SH3TC1: variants seen among roughly 807,000 people sequenced by gnomAD.
The protein encoded by SH3TC1 is SH3 domain and tetratricopeptide repeats 1.
SH3TC1 carries 135 observed loss-of-function variants against 117.3 expected under a neutral mutation model. The ratio of observed to expected loss-of-function variants is 1.15; its 90% CI spans 1.00 to 1.33. SH3TC1 has a LOEUF of 1.33. Ranked by LOEUF, SH3TC1 falls within the 40% of genes most tolerant of loss-of-function variation. SH3TC1 has a pLI of 0.00. For synonymous variants in SH3TC1, 898 were observed against 816.9 expected (o/e 1.10, Z -1.69); for missense variants, 2,092 against 1,794.3 (o/e 1.17, Z -3.00).
At chr4:8,226,559 G>A (rs1720474099) in intron 11 of SH3TC1, among the ~76,000 whole-genome samples, 2 of 152,238 alleles carry the variant, frequency 1.3e-5, no homozygotes, top group Non-Finnish European at 2.9e-5. Flanking sequence ...GAGGGGCCCA[G>A]TATGCTGACA....
chr4:8,186,601 A>G lies in SH3TC1; in HGVS notation c.-57+4391A>G, dbSNP rs962487308. Among the ~76,000 whole-genome samples the G allele has an allele frequency of 1.3e-5, 2 of 152,186 alleles. No individual in the cohort carries two copies. Among genetic ancestry groups the G allele is most frequent in the Non-Finnish European group, 2.9e-5 (2 of 68,036 alleles). On this transcript the variant is annotated intron_variant, in intron 1 of 16. Transcript: ENST00000508641. The surrounding 1 kb of genome is among the most constrained non-coding windows in gnomAD (Gnocchi z 5.2). Reference sequence around the variant, plus strand: ...ATGCCCTGCACTGGCTTCCCAACTTATCTATCTAAAACTTTAAAATAAAGT... The same window carrying G: ...ATGCCCTGCACTGGCTTCCCAACTTGTCTATCTAAAACTTTAAAATAAAGT...
intron 17 of SH3TC1, among the ~76,000 whole-genome samples, chr4:8,239,513 CACATGCACACAGGCACACACACAG>C (rs1296455735): frequency 3.3e-5 from 5 of 150,978 alleles, no homozygotes; most frequent in Non-Finnish European, 5.9e-5. Context: ...TGCACCCAGG[CACATGCACACAGGCACACACACAG>C]ACATGCACAC....
intron 8 of SH3TC1, 76 bp downstream of exon 8, chr4:8,218,423 C>T (rs1719535874): frequency 3.7e-6 from 4 of 1,068,268 alleles, no homozygotes; most frequent in South Asian, 2.9e-5. Context: ...TTGGAAGTTG[C>T]CCTACATCCT....
chr4:8,232,368 T>C, intron 13 of SH3TC1: 6 of 1,579,692 alleles, frequency 3.8e-6, no homozygotes, highest in Non-Finnish European at 5.1e-6. Flanking sequence ...CCTTGTTGGG[T>C]GACACGTCTT....
At chr4:8,224,077 G>T (rs1720222680) in intron 10 of SH3TC1, among the ~76,000 whole-genome samples, 1 of 151,962 alleles carries the variant, frequency 6.6e-6, no homozygotes, top group Non-Finnish European at 1.5e-5. Flanking sequence ...GCAGACATGT[G>T]TGCACATGTG....
Position 8,209,875 on chromosome 4 carries a change from G to T in SH3TC1, c.247+53G>T. 2 of 1,558,488 alleles carry T rather than the reference G, an allele frequency of 1.3e-6. No homozygotes were observed. The highest frequency in any genetic ancestry group is 2.3e-5 in the South Asian group (2 of 86,972). ...TTCAGGTTCAAATCCGGGCTGTGCC[G>T]CTCCCTGGGCATCCAAGAGTCCAAC... On this transcript the variant is annotated intron_variant, in intron 3 of 17. Transcript: ENST00000245105. This position sits in a 1 kb window ranked among gnomAD's most constrained non-coding sequence, Gnocchi z 5.9.
Position 8,232,091 on chromosome 4 carries a change from C to T in SH3TC1, c.3066C>T (p.Asp1022=). 6.2e-7 allele frequency: 1 copy of T among 1,613,018 alleles called. No individual in the cohort carries two copies. The highest frequency in any genetic ancestry group is 8.5e-7 in the Non-Finnish European group (1 of 1,179,910). ...LQLSLACKVA[D]KVLEGQLLET... Reference sequence around the variant, plus strand: ...TCTCCCTGGCCTGCAAGGTGGCCGACAAGGTGCTGGAGGGGCAGCTCCTGG... The same window carrying T: ...TCTCCCTGGCCTGCAAGGTGGCCGATAAGGTGCTGGAGGGGCAGCTCCTGG... The change falls in exon 13 of 18, where the codon GAC becomes GAT. Residue 1022 remains aspartate, a synonymous_variant. Coordinates refer to ENST00000245105, the MANE Select transcript of SH3TC1 (RefSeq NM_018986.5).
intron 8 of SH3TC1, among the ~76,000 whole-genome samples, 156 bp from the exon 9 acceptor site, chr4:8,219,179 T>A (rs1487559077): frequency 6.6e-6 from 1 of 152,118 alleles, no homozygotes; most frequent in Non-Finnish European, 1.5e-5. Flanking sequence ...ACGTAGACAT[T>A]CCCTCCCTCA....
intron 4 of SH3TC1, chr4:8,213,112 C>G (rs1718899810): frequency 2.2e-6 from 1 of 457,454 alleles, no homozygotes; most frequent in Non-Finnish European, 3.9e-6. Flanking sequence ...TGCCCTCCAC[C>G]CACAAGGACT....
chr4:8,219,891 C>T (rs1466493486), intron 9 of SH3TC1, among the ~76,000 whole-genome samples: 2 of 152,174 alleles, frequency 1.3e-5, no homozygotes, highest in Non-Finnish European at 2.9e-5. Flanking sequence ...CCAGAAGGGC[C>T]ACATTTTCTC....
chr4:8,230,120 T>C (rs999933925), intron 12 of SH3TC1, among the ~76,000 whole-genome samples: 3 of 152,162 alleles, frequency 2.0e-5, no homozygotes, highest in Admixed American at 6.5e-5. Flanking sequence ...CTTGTGGTCA[T>C]TTTTGAGTCA....
chr4:8,231,585 A>C, intron 12 of SH3TC1: 1 of 197,242 alleles, frequency 5.1e-6, no homozygotes, highest in Non-Finnish European at 1.0e-5. Context: ...CCCCAACATG[A>C]TGCCGTGTGT....
Position 8,216,217 on chromosome 4 carries a change from C to G in SH3TC1, c.588C>G (p.Asn196Lys), listed in dbSNP as rs140242226. Residue 196 changes from asparagine (N) to lysine (K), a missense_variant, in exon 6 of 18, where the codon AAC becomes AAG. By Grantham distance (94) the Asn-to-Lys change is moderately conservative. Coordinates refer to ENST00000245105, the MANE Select transcript of SH3TC1 (RefSeq NM_018986.5). ...CCATCCAAGTCCATGTGGATGAGAACGCCTTAAGGCTGACCCACGAGAGCC... is the reference window on the plus strand; with the variant it reads ...CCATCCAAGTCCATGTGGATGAGAAGGCCTTAAGGCTGACCCACGAGAGCC... Reference protein sequence around the residue: ...ETAIQVHVDENALRLTHESLL... With the variant: ...ETAIQVHVDEKALRLTHESLL... The G allele has an allele frequency of 3.1e-6, 5 of 1,613,798 alleles. No individual in the cohort carries two copies. In the East Asian group the frequency reaches 1.1e-4, roughly 36 times the overall value.
chr4:8,193,277 C>G (rs944779378), intron 1 of SH3TC1, among the ~76,000 whole-genome samples: 1 of 152,216 alleles, frequency 6.6e-6, no homozygotes, highest in Non-Finnish European at 1.5e-5. Flanking sequence ...TGGGTAGCCT[C>G]TAGCCCCTGG....
Position 8,225,878 on chromosome 4 carries a change from C to T in SH3TC1, c.1285+662C>T, listed in dbSNP as rs1321513762. Among the ~76,000 whole-genome samples, 1 of 152,080 alleles carries T rather than the reference C, an allele frequency of 6.6e-6. No homozygotes were observed. The highest frequency in any genetic ancestry group is 1.5e-5 in the Non-Finnish European group (1 of 67,986). On this transcript the variant is annotated intron_variant, in intron 11 of 17. Transcript: ENST00000245105. This position sits in a 1 kb window ranked among gnomAD's most constrained non-coding sequence, Gnocchi z 5.5. Reference sequence around the variant, plus strand: ...GAAGGGAAGGCTGTTGTAGGTTTTCCTGGGGGAGGGGGTGGATCCACCCTC... The same window carrying T: ...GAAGGGAAGGCTGTTGTAGGTTTTCTTGGGGGAGGGGGTGGATCCACCCTC...
Position 8,240,793 on chromosome 4 carries a change from G to T in SH3TC1, c.3849G>T (p.Leu1283=). The T allele has an allele frequency of 6.2e-7, 1 of 1,614,126 alleles. No individual in the cohort carries two copies. The highest frequency in any genetic ancestry group is 8.5e-7 in the Non-Finnish European group (1 of 1,180,034). ...CACAGCTGAAGATCTACACGCGGCTGGCCACCATCTACCACAACTTCCTCC... is the reference window on the plus strand; with the variant it reads ...CACAGCTGAAGATCTACACGCGGCTTGCCACCATCTACCACAACTTCCTCC... The part of the protein sequence containing the change: ...KKAQLKIYTR[L]ATIYHNFLLD... The change falls in exon 18 of 18, where the codon CTG becomes CTT. Residue 1283 remains leucine, a synonymous_variant. Coordinates refer to ENST00000245105, the MANE Select transcript of SH3TC1 (RefSeq NM_018986.5).
In SH3TC1 at chr4:8,227,137, G is replaced by A. The variant is rs776471518; in HGVS notation, c.1443G>A (p.Glu481=). Residue 481 remains glutamate, a synonymous_variant, in exon 12 of 18, where the codon GAG becomes GAA. Coordinates refer to ENST00000245105, the MANE Select transcript of SH3TC1 (RefSeq NM_018986.5). The part of the protein sequence containing the change: ...ASSDVSLQDP[E]EPSFCLEAED... ...GCGACGTGAGCTTGCAGGACCCCGAGGAGCCCTCCTTCTGCTTGGAAGCCG... is the reference window on the plus strand; with the variant it reads ...GCGACGTGAGCTTGCAGGACCCCGAAGAGCCCTCCTTCTGCTTGGAAGCCG... The A allele has an allele frequency of 6.2e-6, 10 of 1,611,862 alleles. No homozygotes were observed. The highest frequency in any genetic ancestry group is 8.5e-6 in the Non-Finnish European group (10 of 1,179,468).
Position 8,233,533 on chromosome 4 carries a change from G to A in SH3TC1, c.3282+20G>A, listed in dbSNP as rs776347929. 2.4e-5 allele frequency: 38 copies of A among 1,590,886 alleles called. No homozygotes were observed. Among genetic ancestry groups the A allele is most frequent in the Non-Finnish European group, 3.3e-5 (38 of 1,168,654 alleles). On this transcript the variant is annotated intron_variant, in intron 14 of 17. Transcript: ENST00000245105. ...ATCCAGGTGAGTGATGAGGGATGCA[G>A]GAGGGCCTCTGCACATGTTCACTCT... is the stretch of plus-strand genomic sequence containing the variant.
chr4:8,200,542 C>A (rs753283786), intron 1 of SH3TC1, among the ~76,000 whole-genome samples: 1 of 152,196 alleles, frequency 6.6e-6, no homozygotes, highest in South Asian at 2.1e-4. Flanking sequence ...CCGTGTGGGG[C>A]GCTGGGCCAG....
Sources: gnomAD v4.1 joint callset for allele counts (sites outside exome capture counted in the v4.1 genomes callset) on GRCh38, gnomAD v4.1.1 for gene constraint, Gnocchi (gnomAD v3.1) non-coding constraint, MANE v1.5 for transcripts, NCBI Gene and HGNC (gene_info 2026-07-23, HGNC 2026-07-21) for gene names.